Variants in AFF1 observed in about 807,000 individuals in gnomAD.
AFF1 encodes the protein AF4/FMR2 family member 1.
A neutral mutation model predicts 121.7 loss-of-function variants in AFF1; 48 were observed. The observed-to-expected ratio is 0.39, with a 90% confidence interval of 0.31 to 0.50. AFF1 has a LOEUF of 0.50. Among genes scored for constraint, AFF1 ranks in the 20% least tolerant of loss-of-function variants. The pLI, the probability that AFF1 is intolerant of heterozygous loss-of-function variation, is 0.76. For missense variants in AFF1, 1,523 were observed against 1,511.7 expected (o/e 1.01, Z -0.12); for synonymous variants, 613 against 563.0 (o/e 1.09, Z -1.26).
chr4:87,036,339 A>G (rs1481383903), intron 2 of AFF1, among the ~76,000 whole-genome samples: 1 of 152,210 alleles, frequency 6.6e-6, no homozygotes, highest in Non-Finnish European at 1.5e-5. Flanking sequence ...ATTGCATATA[A>G]CATAAAGACA....
intron 4 of AFF1, among the ~76,000 whole-genome samples, chr4:87,072,486 T>TAA (rs1722185203): frequency 6.6e-6 from 1 of 151,934 alleles, no homozygotes; most frequent in South Asian, 2.1e-4. Context: ...AACTTTTATA[T>TAA]ATCTAGTCTG....
intron 2 of AFF1, chr4:87,007,438 C>T: frequency 6.2e-7 from 1 of 1,613,972 alleles, no homozygotes; most frequent in Non-Finnish European, 8.5e-7. Context: ...AGCCGTGCAC[C>T]GGAGAAACTT....
At chr4:87,107,621 T>TTA (rs1726050608) in intron 10 of AFF1, among the ~76,000 whole-genome samples, 1 of 152,228 alleles carries the variant, frequency 6.6e-6, no homozygotes, top group South Asian at 2.1e-4. Context: ...AGATTTTAAC[T>TTA]TACTGGCTTT....
At chr4:86,950,034 G>T (rs2149452257) in intron 2 of AFF1, 4 of 1,614,092 alleles carry the variant, frequency 2.5e-6, no homozygotes, top group Non-Finnish European at 3.4e-6. Flanking sequence ...CCGTAGGTAG[G>T]GGGAGTGTAG....
rs1729562114 is a variant in AFF1, at chr4:87,139,617, C to T, written c.*3916C>T. The T allele has an allele frequency of 4.4e-6, 1 of 229,722 alleles. No individual in the cohort carries two copies. Among genetic ancestry groups the T allele is most frequent in the East Asian group, 6.2e-5 (1 of 16,174 alleles). The allele number at this position is 229,722 out of a possible 1,614,324, so 14.2% of individuals were successfully genotyped here. A position where few individuals can be genotyped will look rare whatever the true frequency, so the allele number is the denominator to read the frequency against. ...ATGCTAGGATCAATTATGGCAGTAC[C>T]TTTTTTCCCCTCCTGTTCTTGAGCC... On this transcript the variant is annotated 3_prime_UTR_variant, in exon 21 of 21. Transcript: ENST00000395146.
chr4:87,086,863 GA>G (rs1723789977), intron 5 of AFF1, among the ~76,000 whole-genome samples: 1 of 152,184 alleles, frequency 6.6e-6, no homozygotes, highest in Non-Finnish European at 1.5e-5. Flanking sequence ...TCCTAACAGA[GA>G]AAATCAATCA....
intron 2 of AFF1, among the ~76,000 whole-genome samples, chr4:87,010,908 C>G (rs1726671882): frequency 6.6e-6 from 1 of 152,036 alleles, no homozygotes; most frequent in Middle Eastern, 3.4e-3. Flanking sequence ...AACCCCATCT[C>G]TACTAAAAAT....
intron 17 of AFF1, among the ~76,000 whole-genome samples, chr4:87,131,496 T>C (rs1728823734): frequency 6.6e-6 from 1 of 152,214 alleles, no homozygotes; most frequent in Non-Finnish European, 1.5e-5. Flanking sequence ...TTATGAAGTG[T>C]CCTCTCCTCT....
chr4:87,012,217 C>CTTTTTTTTTTTTTTTTTTTT lies in AFF1; in HGVS notation c.39-33947_39-33946insTTTTTTTTTTTTTTTTTTTT, dbSNP rs68156863. Among the ~76,000 whole-genome samples the CTTTTTTTTTTTTTTTTTTTT allele has an allele frequency of 8.7e-5, 10 of 115,100 alleles. 5 individuals are homozygous for CTTTTTTTTTTTTTTTTTTTT. The highest frequency in any genetic ancestry group is 1.8e-4 in the Non-Finnish European group (10 of 54,242). 75.5% of individuals were successfully genotyped at this position (115,100 alleles called of 152,430 possible). A position where few individuals can be genotyped will look rare whatever the true frequency, so the allele number is the denominator to read the frequency against. On this transcript the variant is annotated intron_variant, in intron 2 of 20. Coordinates refer to ENST00000395146, the MANE Select transcript of AFF1 (RefSeq NM_001166693.3). The stretch of plus-strand genomic sequence containing the variant: ...GTTAGCAAACTTCTCCATTTCATTT[C>CTTTTTTTTTTTTTTTTTTTT]TTGTTTTTTTTTTTTTTTGTATAAC...
intron 2 of AFF1, among the ~76,000 whole-genome samples, chr4:87,005,242 G>A (rs895615933): frequency 3.3e-5 from 5 of 152,174 alleles, no homozygotes; most frequent in African/African-American, 9.7e-5. Flanking sequence ...GCCTCCCAAA[G>A]TGCTGGGATT....
At chr4:87,015,702 T>A (rs1727225389) in intron 2 of AFF1, among the ~76,000 whole-genome samples, 1 of 152,244 alleles carries the variant, frequency 6.6e-6, no homozygotes, top group Admixed American at 6.5e-5. Context: ...CAGTCATGTT[T>A]CTTTAAGGGT....
intron 2 of AFF1, among the ~76,000 whole-genome samples, chr4:87,027,206 T>C (rs910873871): frequency 1.3e-5 from 2 of 152,250 alleles, no homozygotes; most frequent in Admixed American, 6.5e-5. Flanking sequence ...AACTTACTTC[T>C]ACAAATGTAT....
chr4:87,036,796 G>T (rs969243148), intron 2 of AFF1: 2 of 514,430 alleles, frequency 3.9e-6, no homozygotes, highest in Non-Finnish European at 7.7e-6. Context: ...CTCTAATATG[G>T]CAGCAAGTAT....
Position 86,991,298 on chromosome 4 carries a change from AG to A in AFF1, c.38+42728del, listed in dbSNP as rs752327756. Among the ~76,000 whole-genome samples, 379 of 152,038 alleles carry A rather than the reference AG, an allele frequency of 2.5e-3. 1 individual carries two copies. The highest frequency in any genetic ancestry group is 3.4e-3 in the Middle Eastern group (1 of 294). The stretch of plus-strand genomic sequence containing the variant: ...TCTCTACTAAAAATACAAAAAAATT[AG>A]CCGGGCTTGGTGGCAGGCACCTGTA... On this transcript the variant is annotated intron_variant, in intron 2 of 20. Transcript: ENST00000395146.
rs1003934763 is a variant in AFF1 at position 87,135,769 on chromosome 4, A to G, written c.*68A>G. The G allele has an allele frequency of 6.5e-5, 99 of 1,534,702 alleles. 6 individuals are homozygous for G. Among genetic ancestry groups the G allele is most frequent in the African/African-American group, 1.4e-5 (1 of 72,448 alleles). On this transcript the variant is annotated 3_prime_UTR_variant, in exon 21 of 21. Transcript: ENST00000395146. The stretch of plus-strand genomic sequence containing the variant: ...ACATTGGAAGCCTCAAAAACAGTCC[A>G]GACATTTGTTTCATCAGGACACCAA...
intron 5 of AFF1, 27 bp downstream of exon 5, chr4:87,084,191 T>A (rs1723451184): frequency 6.2e-7 from 1 of 1,606,874 alleles, no homozygotes; most frequent in Admixed American, 1.7e-5. Flanking sequence ...TCTTTCTCAT[T>A]TGAAGAAATA....
In AFF1 at chr4:87,105,859, T is replaced by C; in HGVS notation, c.1376+14T>C. The C allele has an allele frequency of 6.2e-7, 1 of 1,614,072 alleles. No homozygotes were observed. Among genetic ancestry groups the C allele is most frequent in the Non-Finnish European group, 8.5e-7 (1 of 1,179,896 alleles). ...TGCACCTCCAAGGTACCGTGTGGGT[T>C]TCTCCCCATCTGTACAGAATGTTTG... is the stretch of plus-strand genomic sequence containing the variant. On this transcript the variant is annotated intron_variant, in intron 10 of 20. Transcript: ENST00000395146.
At chr4:87,058,260 T>C (rs561545722) in intron 4 of AFF1, among the ~76,000 whole-genome samples, 1 of 152,312 alleles carries the variant, frequency 6.6e-6, no homozygotes, top group Admixed American at 6.5e-5. Flanking sequence ...ACATGGTTTC[T>C]GTGGAGTAAT....
At chr4:87,022,564 ATATATATATATATATATATC>A (rs1477298141) in intron 2 of AFF1, among the ~76,000 whole-genome samples, 1 of 36,434 alleles carries the variant, frequency 2.7e-5, no homozygotes, top group African/African-American at 6.3e-5. Flanking sequence ...ATATATATAT[ATATATATATATATATATATC>A]TATCTATATC....
Sources: gnomAD v4.1 joint callset for allele counts (sites outside exome capture counted in the v4.1 genomes callset) on GRCh38, gnomAD v4.1.1 for gene constraint, MANE v1.5 for transcripts, NCBI Gene and HGNC (gene_info 2026-07-23, HGNC 2026-07-21) for gene names.